ABCB4: variants seen among roughly 807,000 people sequenced by gnomAD.
The protein encoded by ABCB4 is ATP binding cassette subfamily B member 4, also known as phosphatidylcholine translocator ABCB4.
A neutral mutation model predicts 145.7 loss-of-function variants in ABCB4; 76 were observed. The observed-to-expected ratio is 0.52, with a 90% CI of 0.43 to 0.63. The LOEUF (loss-of-function observed/expected upper bound fraction) is 0.63, where lower values mean the gene tolerates loss of function less well. ABCB4 is among the 30% of genes least tolerant of loss of function. ABCB4 has a pLI of 0.00. For missense variants in ABCB4, 1,234 were observed against 1,553.1 expected, an observed-to-expected ratio of 0.79 and a Z score of 3.45; for synonymous variants, 517 against 566.8, an observed-to-expected ratio of 0.91 and a Z score of 1.25.
intron 15 of ABCB4, among the ~76,000 whole-genome samples, chr7:87,428,937 A>T (rs1385933520): frequency 6.6e-6 from 1 of 152,244 alleles, no homozygotes; most frequent in African/African-American, 2.4e-5. Context: ...TTGATTTTTA[A>T]AAAGAATGCA....
In ABCB4 at chr7:87,401,920, T is replaced by C. The variant is rs1205631743; in HGVS notation, c.*176A>G. 2.4e-6 allele frequency: 2 copies of C among 844,614 alleles called. No homozygotes were observed. The highest frequency in any genetic ancestry group is 3.9e-6 in the Non-Finnish European group (2 of 515,838). 52.3% of individuals were successfully genotyped at this position (844,614 alleles called of 1,614,324 possible). A position where few individuals can be genotyped will look rare whatever the true frequency, so the allele number is the denominator to read the frequency against. On this transcript the variant is annotated 3_prime_UTR_variant, in exon 28 of 28. Transcript: ENST00000649586. ...AATACTTCATCAAGACAGGTGTCAC[T>C]TCTAACTCTCAAATTTCAAATGCCG...
At position 87,401,988 on chromosome 7, in the gene ABCB4, G is replaced by C; in HGVS notation, c.*108C>G. The C allele has an allele frequency of 6.9e-7, 1 of 1,441,114 alleles. No homozygotes were observed. The highest frequency in any genetic ancestry group is 9.6e-7 in the Non-Finnish European group (1 of 1,046,672). 89.3% of individuals were successfully genotyped at this position (1,441,114 alleles called of 1,614,324 possible). A position where few individuals can be genotyped will look rare whatever the true frequency, so the allele number is the denominator to read the frequency against. On this transcript the variant is annotated 3_prime_UTR_variant, in exon 28 of 28. Coordinates refer to ENST00000649586, the MANE Select transcript of ABCB4 (RefSeq NM_000443.4). ...GGTCTTCTAAATTGATCTAGAATGAGACAGACATACCTATGTTTTATGATG... is the reference window on the plus strand; with the variant it reads ...GGTCTTCTAAATTGATCTAGAATGACACAGACATACCTATGTTTTATGATG...
the ABCB4 span, chr7:87,382,427 G>T: frequency 1.9e-6 from 3 of 1,613,526 alleles, no homozygotes; most frequent in Non-Finnish European, 2.5e-6. Context: ...CTGATCTACA[G>T]ATTGCGGCTT....
the ABCB4 span, among the ~76,000 whole-genome samples, chr7:87,367,107 T>G: frequency 0.022 from 3,363 of 152,312 alleles, 133 homozygotes; most frequent in African/African-American, 0.076. Flanking sequence ...GTTAATATGT[T>G]AGGTTACATG....
intron 4 of ABCB4, among the ~76,000 whole-genome samples, chr7:87,455,314 A>T (rs911313404): frequency 6.6e-6 from 1 of 152,224 alleles, no homozygotes; most frequent in African/African-American, 2.4e-5. Context: ...ATAAAATGTC[A>T]ATGTATCTTT....
chr7:87,472,023 T>A (rs1230709341), intron 3 of ABCB4, among the ~76,000 whole-genome samples: 1 of 152,196 alleles, frequency 6.6e-6, no homozygotes, highest in Non-Finnish European at 1.5e-5. Context: ...ATTGTTGAGT[T>A]TGCATTGTGC....
Position 87,462,916 on chromosome 7 carries a change from A to G in ABCB4, c.136-8T>C. On this transcript the variant is annotated splice_polypyrimidine_tract_variant and splice_region_variant and intron_variant, in intron 3 of 27. Coordinates refer to ENST00000649586, the MANE Select transcript of ABCB4 (RefSeq NM_000443.4). ...CCAATCGGAGTATCGAAACTAAAAA[A>G]AGGAAATAAAATAATACTTAGCTGT... The G allele has an allele frequency of 6.2e-7, 1 of 1,612,498 alleles. No homozygotes were observed. The highest frequency in any genetic ancestry group is 1.1e-5 in the South Asian group (1 of 91,010).
chr7:87,370,554 A>G, the ABCB4 span, among the ~76,000 whole-genome samples: 1 of 152,226 alleles, frequency 6.6e-6, no homozygotes, highest in Admixed American at 6.5e-5. Flanking sequence ...TTGGGTATAT[A>G]TATCTATTTA....
At chr7:87,429,624 G>A (rs902682345) in intron 15 of ABCB4, among the ~76,000 whole-genome samples, 7 of 152,182 alleles carry the variant, frequency 4.6e-5, no homozygotes, top group Non-Finnish European at 8.8e-5. Flanking sequence ...CAAAATCACA[G>A]ACCCTTGGTA....
chr7:87,458,672 G>T (rs1450008131), intron 4 of ABCB4, among the ~76,000 whole-genome samples: 1 of 152,144 alleles, frequency 6.6e-6, no homozygotes, highest in Non-Finnish European at 1.5e-5. Context: ...AGAGGTATGA[G>T]AATATTATTT....
intron 4 of ABCB4, among the ~76,000 whole-genome samples, chr7:87,457,883 A>G (rs1487201196): frequency 1.3e-5 from 2 of 152,188 alleles, no homozygotes; most frequent in African/African-American, 2.4e-5. Context: ...ATTCTGCCCA[A>G]GACTTCTTTT....
chr7:87,372,322 G>A, the ABCB4 span, among the ~76,000 whole-genome samples: 2 of 152,062 alleles, frequency 1.3e-5, no homozygotes, highest in African/African-American at 2.4e-5. Flanking sequence ...TCTTAATTTT[G>A]ATTTAGGCAA....
At chr7:87,421,823 T>C (rs1809459422) in intron 18 of ABCB4, among the ~76,000 whole-genome samples, 1 of 152,266 alleles carries the variant, frequency 6.6e-6, no homozygotes, top group South Asian at 2.1e-4. Context: ...GCTATTGGAC[T>C]GTACTTTCCC....
chr7:87,426,691 T>C, intron 16 of ABCB4, 59 bp downstream of exon 16: 1 of 1,543,874 alleles, frequency 6.5e-7, no homozygotes, highest in South Asian at 1.1e-5. Flanking sequence ...GCTAAGAATT[T>C]CAATAATTGT....
chr7:87,398,525 T>C (rs760792815), downstream of ABCB4: 9 of 1,613,464 alleles, frequency 5.6e-6, no homozygotes, highest in East Asian at 1.8e-4. Context: ...GCTTCACAGG[T>C]TTGTTGTGGC....
chr7:87,382,120 T>A, the ABCB4 span: 1 of 1,613,704 alleles, frequency 6.2e-7, no homozygotes, highest in South Asian at 1.1e-5. Flanking sequence ...GAGCTCATTT[T>A]CATTGTGGAT....
the ABCB4 span, among the ~76,000 whole-genome samples, chr7:87,388,502 C>G: frequency 6.6e-6 from 1 of 152,050 alleles, no homozygotes; most frequent in East Asian, 1.9e-4. Context: ...CTGTAACAAA[C>G]CTGAGAAAAA....
At chr7:87,449,809 G>C (rs1811587972) in intron 8 of ABCB4, among the ~76,000 whole-genome samples, 159 bp downstream of exon 8, 1 of 152,178 alleles carries the variant, frequency 6.6e-6, no homozygotes, top group African/African-American at 2.4e-5. Flanking sequence ...TTGCTTTAGA[G>C]TCTGACATTC....
At chr7:87,398,224 A>C (rs888666615), downstream of ABCB4, 2 of 521,474 alleles carry the variant, frequency 3.8e-6, no homozygotes, top group African/African-American at 3.8e-5. Flanking sequence ...GGACTTTTCT[A>C]GGAAGGAGGT....
Sources: allele counts gnomAD v4.1 joint callset (sites outside exome capture counted in the v4.1 genomes callset), GRCh38; gene constraint gnomAD v4.1.1; transcripts MANE v1.5; gene names NCBI Gene and HGNC (gene_info 2026-07-23, HGNC 2026-07-21).